The following TCERG1L variants were observed in gnomAD, a reference collection of about 807,000 sequenced individuals.
TCERG1L encodes the protein transcription elongation regulator 1-like protein.
In TCERG1L, 37 loss-of-function variants were observed where a neutral mutation model predicts 56.3. The ratio of observed to expected loss-of-function variants is 0.66; its 90% confidence interval spans 0.51 to 0.87. The LOEUF (loss-of-function observed/expected upper bound fraction) is 0.87. Among genes scored for constraint, TCERG1L ranks in the 40% least tolerant of loss-of-function variants. The pLI is 0.00. For synonymous variants in TCERG1L, 324 were observed against 326.3 expected, an observed-to-expected ratio of 0.99 and a Z score of 0.08; for missense variants, 799 against 774.2, an observed-to-expected ratio of 1.03 and a Z score of -0.38.
chr10:131,211,836 T>C (rs1384078632), intron 4 of TCERG1L, among the ~76,000 whole-genome samples: 1 of 152,206 alleles, frequency 6.6e-6, no homozygotes, highest in East Asian at 1.9e-4. Flanking sequence ...GAGCATCCAT[T>C]TCTCTGATGG....
At chr10:131,211,732 C>T (rs535311978) in intron 4 of TCERG1L, among the ~76,000 whole-genome samples, 13 of 152,254 alleles carry the variant, frequency 8.5e-5, no homozygotes, top group Admixed American at 2.6e-4. Flanking sequence ...GCGGTGGACT[C>T]GGGCCTGAGA....
chr10:131,184,168 C>G (rs190569469), intron 4 of TCERG1L, among the ~76,000 whole-genome samples: 1 of 152,252 alleles, frequency 6.6e-6, no homozygotes, highest in Non-Finnish European at 1.5e-5. Flanking sequence ...GGAGTGTGCA[C>G]TAAGCGATGA....
intron 3 of TCERG1L, among the ~76,000 whole-genome samples, chr10:131,271,270 G>T (rs187290012): frequency 1.7e-3 from 260 of 152,346 alleles, no homozygotes; most frequent in African/African-American, 5.8e-3. Flanking sequence ...GGTGGCTCCA[G>T]AATATCAGGC....
At chr10:131,093,994 G>A (rs1481480904) in intron 11 of TCERG1L, among the ~76,000 whole-genome samples, 2 of 152,210 alleles carry the variant, frequency 1.3e-5, no homozygotes, top group Non-Finnish European at 2.9e-5. Context: ...CACTGATGGA[G>A]CGAATCAGAG....
chr10:131,224,714 G>A (rs909422477), intron 4 of TCERG1L, among the ~76,000 whole-genome samples: 11 of 152,140 alleles, frequency 7.2e-5, no homozygotes, highest in East Asian at 1.9e-4. Context: ...GGAAGTGCAC[G>A]GCCCATCGCA....
chr10:131,183,444 G>T (rs1845202552), intron 4 of TCERG1L, among the ~76,000 whole-genome samples: 1 of 152,098 alleles, frequency 6.6e-6, no homozygotes, highest in South Asian at 2.1e-4. Context: ...GCCAGCCTTT[G>T]TCAACTAGAA....
In TCERG1L at chr10:131,174,863, C is replaced by T. The variant is rs185350243; in HGVS notation, c.857-7978G>A. ...GACTCAGCCCGATCATGAGAATTTG[C>T]CTCATCATGGGACTCCACCCCTGCA... On this transcript the variant is annotated intron_variant, in intron 4 of 11. Transcript: ENST00000368642. Among the ~76,000 whole-genome samples, 131 of 152,200 alleles carry T rather than the reference C, an allele frequency of 8.6e-4. 1 individual carries two copies. Among genetic ancestry groups the T allele is most frequent in the African/African-American group, 3.1e-3 (127 of 41,528 alleles).
chr10:131,114,992 C>T lies in TCERG1L; in HGVS notation c.1395+1807G>A, dbSNP rs78039148. On this transcript the variant is annotated intron_variant, in intron 9 of 11. Transcript: ENST00000368642. ...GTCCGAGGGACACAGCAGTAAGGAC[C>T]GGGAAACTGCCTGCACGTGCACCTG... 5.1e-3 allele frequency among the ~76,000 whole-genome samples: 770 copies of T among 152,332 alleles called. 3 individuals are homozygous for T. The highest frequency in any genetic ancestry group is 8.1e-3 in the Non-Finnish European group (550 of 68,038).
intron 4 of TCERG1L, among the ~76,000 whole-genome samples, chr10:131,239,789 G>C (rs11592472): frequency 0.058 from 8,782 of 152,272 alleles, 341 homozygotes; most frequent in Middle Eastern, 0.14. Flanking sequence ...TTTTCCCAGC[G>C]TACAGACATC....
chr10:131,241,117 C>T (rs959821785), intron 4 of TCERG1L, among the ~76,000 whole-genome samples: 56 of 152,268 alleles, frequency 3.7e-4, no homozygotes, highest in Non-Finnish European at 1.5e-4. Context: ...GGGCACCGCA[C>T]AGAAATGGTG....
At chr10:131,119,569 G>A (rs1470034898) in intron 8 of TCERG1L, among the ~76,000 whole-genome samples, 3 of 152,230 alleles carry the variant, frequency 2.0e-5, no homozygotes, top group East Asian at 1.9e-4. Flanking sequence ...CTGACTGCGC[G>A]ATGATGGTGT....
intron 3 of TCERG1L, among the ~76,000 whole-genome samples, chr10:131,272,875 T>C (rs1846353900): frequency 6.6e-6 from 1 of 152,180 alleles, no homozygotes; most frequent in Non-Finnish European, 1.5e-5. Flanking sequence ...CCCCGGTTTC[T>C]GCATCTGTGG....
At chr10:131,179,239 G>A (rs1564808841) in intron 4 of TCERG1L, among the ~76,000 whole-genome samples, 3 of 152,240 alleles carry the variant, frequency 2.0e-5, no homozygotes, top group Admixed American at 6.5e-5. Flanking sequence ...ACGCAGCCAC[G>A]TGGGCAGCAC....
At chr10:131,273,189 A>G (rs1160726507) in intron 3 of TCERG1L, among the ~76,000 whole-genome samples, 1 of 151,598 alleles carries the variant, frequency 6.6e-6, no homozygotes, top group Non-Finnish European at 1.5e-5. Flanking sequence ...TGGGTCCTGG[A>G]CTCCCAGGGG....
intron 3 of TCERG1L, among the ~76,000 whole-genome samples, chr10:131,268,543 T>G (rs755457536): frequency 6.6e-6 from 1 of 152,214 alleles, no homozygotes; most frequent in Non-Finnish European, 1.5e-5. Context: ...ACTTCTCCTC[T>G]ATAGCTATAA....
chr10:131,153,400 C>T lies in TCERG1L; in HGVS notation c.1035-6740G>A, dbSNP rs74562267. Among the ~76,000 whole-genome samples the T allele has an allele frequency of 6.0e-3, 910 of 152,212 alleles. 6 individuals are homozygous for T. The highest frequency in any genetic ancestry group is 9.7e-3 in the Non-Finnish European group (660 of 68,010). On this transcript the variant is annotated intron_variant, in intron 6 of 11. Coordinates refer to ENST00000368642, the MANE Select transcript of TCERG1L (RefSeq NM_174937.4). ...GCTGGGCTGCTCACCCTAAGCCCCG[C>T]GTGCTCATTCCCTAGAGAATCAAAT...
At chr10:131,144,566 A>G (rs1845774276) in intron 7 of TCERG1L, among the ~76,000 whole-genome samples, 1 of 151,866 alleles carries the variant, frequency 6.6e-6, no homozygotes, top group African/African-American at 2.4e-5. Flanking sequence ...TCATTTGCAT[A>G]TCCTTAAGAT....
At chr10:131,277,658 T>A (rs1846406891) in intron 3 of TCERG1L, among the ~76,000 whole-genome samples, 1 of 152,092 alleles carries the variant, frequency 6.6e-6, no homozygotes, top group South Asian at 2.1e-4. Context: ...AGCTTGAGGG[T>A]GCAAAGTCAG....
chr10:131,096,618 A>T (rs6482847), intron 11 of TCERG1L, among the ~76,000 whole-genome samples: 4 of 152,024 alleles, frequency 2.6e-5, no homozygotes, highest in Non-Finnish European at 5.9e-5. Flanking sequence ...AAACCGATGC[A>T]GGCCAGGCGC....
Sources: gnomAD v4.1 joint callset for allele counts (sites outside exome capture counted in the v4.1 genomes callset) on GRCh38, gnomAD v4.1.1 for gene constraint, MANE v1.5 for transcripts, NCBI Gene and HGNC (gene_info 2026-07-23, HGNC 2026-07-21) for gene names.